Variants in CUX2 observed in about 807,000 individuals in gnomAD.
CUX2 encodes homeobox protein cut-like 2.
CUX2 carries 40 observed loss-of-function variants against 144.8 expected under a neutral mutation model. The ratio of observed to expected loss-of-function variants is 0.28; its 90% CI spans 0.21 to 0.36. CUX2 has a LOEUF of 0.36. Among genes scored for constraint, CUX2 ranks in the 10% least tolerant of loss-of-function variants. The probability of loss-of-function intolerance (pLI) is 1.00; values close to 1 mark genes in which losing one functional copy is unlikely to be tolerated. For synonymous variants in CUX2, 827 were observed against 875.6 expected (o/e 0.94, Z 0.98); for missense variants, 1,615 against 1,994.0 (o/e 0.81, Z 3.62).
intron 4 of CUX2, among the ~76,000 whole-genome samples, chr12:111,272,444 A>G (rs1287851743): frequency 6.6e-6 from 1 of 152,198 alleles, no homozygotes; most frequent in Non-Finnish European, 1.5e-5. Context: ...ATTTTCCTGA[A>G]GATGACAGTT....
chr12:111,126,289 A>C (rs1395147198), intron 1 of CUX2, among the ~76,000 whole-genome samples: 1 of 152,036 alleles, frequency 6.6e-6, no homozygotes, highest in Non-Finnish European at 1.5e-5. Flanking sequence ...TTATATTTTC[A>C]GTAGAGACGG....
chr12:111,112,181 A>G (rs558095145), intron 1 of CUX2, among the ~76,000 whole-genome samples: 1 of 152,304 alleles, frequency 6.6e-6, no homozygotes, highest in Admixed American at 6.5e-5. Context: ...GCCCATGTCA[A>G]CGGGGAGGTG....
At chr12:111,278,400 G>A (rs1211544449) in intron 4 of CUX2, among the ~76,000 whole-genome samples, 2 of 152,166 alleles carry the variant, frequency 1.3e-5, no homozygotes, top group African/African-American at 2.4e-5. Flanking sequence ...TGGCCTGGGC[G>A]ACAGAGCAAG....
At chr12:111,151,290 C>A (rs1482051948) in intron 1 of CUX2, among the ~76,000 whole-genome samples, 1 of 152,112 alleles carries the variant, frequency 6.6e-6, no homozygotes, top group Non-Finnish European at 1.5e-5. Flanking sequence ...TGTTATGAAT[C>A]AGTAGATGGT....
At chr12:111,344,563 A>G (rs1310883868) in intron 21 of CUX2, among the ~76,000 whole-genome samples, 1 of 152,216 alleles carries the variant, frequency 6.6e-6, no homozygotes, top group Admixed American at 6.5e-5. Context: ...ACCAGACGCC[A>G]CAGAAAACAA....
At chr12:111,101,800 G>A (rs762133752) in intron 1 of CUX2, among the ~76,000 whole-genome samples, 4 of 152,184 alleles carry the variant, frequency 2.6e-5, no homozygotes, top group Middle Eastern at 3.2e-3. Flanking sequence ...GCAGACTTCC[G>A]TGGGCCAGAT....
intron 3 of CUX2, among the ~76,000 whole-genome samples, chr12:111,256,237 G>A (rs1326897899): frequency 1.3e-5 from 2 of 150,140 alleles, no homozygotes; most frequent in Admixed American, 6.6e-5. Flanking sequence ...AGCCCCCCTC[G>A]TACTCTTGCC....
chr12:111,307,038 G>A lies in CUX2; in HGVS notation c.976G>A (p.Glu326Lys). 1 of 1,613,798 alleles carries A rather than the reference G, an allele frequency of 6.2e-7. No homozygotes were observed. Among genetic ancestry groups the A allele is most frequent in the Admixed American group, 1.7e-5 (1 of 60,004 alleles). The change falls in exon 11 of 22, where the codon GAG becomes AAG. Residue 326 changes from glutamate to lysine, a missense_variant. Transcript: ENST00000261726. This position sits in a 1 kb window ranked among gnomAD's most constrained non-coding sequence, Gnocchi z 4.1. ...GCAGCACCTCCAGAGCTCACTGCAG[G>A]AGCTGGAGGAGGCATCCGCCAACCA... ...DVQHLQSSLQ[E>K]LEEASANQIA... is the part of the protein sequence containing the mutation.
At chr12:111,321,916 T>A (rs1179264136) in intron 17 of CUX2, among the ~76,000 whole-genome samples, 4 of 151,614 alleles carry the variant, frequency 2.6e-5, no homozygotes. Flanking sequence ...GATTTTTACA[T>A]GTAGGGACAT....
At chr12:111,145,531 A>G (rs1392117839) in intron 1 of CUX2, among the ~76,000 whole-genome samples, 45 of 151,812 alleles carry the variant, frequency 3.0e-4, no homozygotes, top group Admixed American at 3.0e-3. Flanking sequence ...ACCATGCCCA[A>G]CTAATTTTTT....
At chr12:111,063,136 G>C (rs1475362231) in intron 1 of CUX2, among the ~76,000 whole-genome samples, 2 of 152,170 alleles carry the variant, frequency 1.3e-5, no homozygotes, top group Non-Finnish European at 2.9e-5. Flanking sequence ...CTGTATGTCT[G>C]GCCTCCCTGG....
chr12:111,109,982 C>T (rs1422111215), intron 1 of CUX2, among the ~76,000 whole-genome samples: 1 of 152,022 alleles, frequency 6.6e-6, no homozygotes, highest in Admixed American at 6.6e-5. Flanking sequence ...CTCAAGCCAT[C>T]TTCCTGCCTC....
chr12:111,303,073 T>C (rs1328120476), intron 9 of CUX2, among the ~76,000 whole-genome samples: 2 of 148,734 alleles, frequency 1.3e-5, no homozygotes, highest in African/African-American at 5.0e-5. Context: ...CTACAAAAAT[T>C]AACCCGTCAT....
Position 111,310,031 on chromosome 12 carries a change from G to GT in CUX2, c.1259-10_1259-9insT. 7.8e-7 allele frequency: 1 copy of GT among 1,288,778 alleles called. No homozygotes were observed. Among genetic ancestry groups the GT allele is most frequent in the Non-Finnish European group, 9.8e-7 (1 of 1,017,286 alleles). 79.8% of individuals were successfully genotyped at this position (1,288,778 alleles called of 1,614,324 possible). On this transcript the variant is annotated splice_polypyrimidine_tract_variant and intron_variant, in intron 14 of 21. Transcript: ENST00000261726. The surrounding 1 kb of genome is among the most constrained non-coding windows in gnomAD (Gnocchi z 7.9). ...GTCTGTCTGTCTGTCTGTCTGTCTG[G>GT]GTGTTCTAGAGGAAGACCCATCAGA...
intron 1 of CUX2, among the ~76,000 whole-genome samples, chr12:111,071,827 T>C (rs532930426): frequency 1.3e-5 from 2 of 152,368 alleles, no homozygotes; most frequent in South Asian, 4.1e-4. Flanking sequence ...ATTTTTGGCA[T>C]GTGGCTGTCC....
At chr12:111,138,756 T>G (rs1876098154) in intron 1 of CUX2, among the ~76,000 whole-genome samples, 1 of 151,956 alleles carries the variant, frequency 6.6e-6, no homozygotes, top group Admixed American at 6.5e-5. Context: ...AGATGTTCCA[T>G]CCCATCCCAC....
intron 1 of CUX2, among the ~76,000 whole-genome samples, chr12:111,135,727 G>A (rs1208256750): frequency 1.3e-5 from 2 of 152,218 alleles, no homozygotes; most frequent in East Asian, 3.8e-4. Flanking sequence ...GAGGCCAGAC[G>A]CAAAAGACCA....
chr12:111,051,650 A>G (rs1164648660), intron 1 of CUX2, among the ~76,000 whole-genome samples: 1 of 152,198 alleles, frequency 6.6e-6, no homozygotes. Flanking sequence ...TCCTATAGAC[A>G]ACATATAGTT....
intron 21 of CUX2, among the ~76,000 whole-genome samples, chr12:111,346,672 T>C (rs1216535177): frequency 1.3e-5 from 2 of 152,200 alleles, no homozygotes; most frequent in Admixed American, 6.5e-5. Context: ...TGTTGTTCTA[T>C]GACCTTGGAC....
Sources: allele counts gnomAD v4.1 joint callset (sites outside exome capture counted in the v4.1 genomes callset), GRCh38; gene constraint gnomAD v4.1.1; non-coding constraint Gnocchi (gnomAD v3.1); transcripts MANE v1.5; gene names NCBI Gene and HGNC (gene_info 2026-07-23, HGNC 2026-07-21).